The following PDE1C variants were observed in gnomAD, a reference collection of about 807,000 sequenced individuals.
PDE1C encodes the protein dual specificity calcium/calmodulin-dependent 3',5'-cyclic nucleotide phosphodiesterase 1C.
A neutral mutation model predicts 93.1 loss-of-function variants in PDE1C; 62 were observed. The observed-to-expected ratio is 0.67, with a 90% CI of 0.54 to 0.82. The LOEUF (loss-of-function observed/expected upper bound fraction) is 0.82. Among genes scored for constraint, PDE1C ranks in the 40% least tolerant of loss-of-function variants. The probability of loss-of-function intolerance (pLI) is 0.00; values close to 1 mark genes in which losing one functional copy is unlikely to be tolerated. For synonymous variants in PDE1C, 325 were observed against 310.1 expected, an observed-to-expected ratio of 1.05 and a Z score of -0.50; for missense variants, 742 against 884.6, an observed-to-expected ratio of 0.84 and a Z score of 2.04.
chr7:32,417,525 C>T (rs760444404), intron 1 of PDE1C, among the ~76,000 whole-genome samples: 5 of 152,062 alleles, frequency 3.3e-5, no homozygotes, highest in Admixed American at 1.3e-4. Context: ...TCACAGGGTT[C>T]GAGTAACTTG....
intron 2 of PDE1C, among the ~76,000 whole-genome samples, chr7:32,030,960 C>G (rs576258477): frequency 2.0e-5 from 3 of 151,990 alleles, no homozygotes; most frequent in African/African-American, 4.8e-5. Flanking sequence ...TCCCATAGAG[C>G]CTTTGATCTA....
chr7:31,643,975 G>C, the PDE1C span: 1 of 1,577,632 alleles, frequency 6.3e-7, no homozygotes, highest in Admixed American at 1.8e-5. Flanking sequence ...CCCTGGCAAA[G>C]ATGGAAAGGC....
At chr7:31,967,680 C>T (rs1441316683) in intron 2 of PDE1C, among the ~76,000 whole-genome samples, 2 of 152,196 alleles carry the variant, frequency 1.3e-5, no homozygotes, top group African/African-American at 4.8e-5. Context: ...AGACCAATAT[C>T]CTTGATGAAC....
At chr7:32,397,089 C>T (rs1316501657) in intron 1 of PDE1C, among the ~76,000 whole-genome samples, 1 of 152,028 alleles carries the variant, frequency 6.6e-6, no homozygotes, top group African/African-American at 2.4e-5. Flanking sequence ...CTAACTATGA[C>T]TCAAAATCCA....
At chr7:32,155,660 T>C (rs1801523456) in intron 3 of PDE1C, among the ~76,000 whole-genome samples, 1 of 152,232 alleles carries the variant, frequency 6.6e-6, no homozygotes, top group African/African-American at 2.4e-5. Flanking sequence ...TTGCAAATTA[T>C]AAAGCATCAG....
the PDE1C span, among the ~76,000 whole-genome samples, chr7:31,646,434 T>C: frequency 6.6e-6 from 1 of 151,952 alleles, no homozygotes; most frequent in South Asian, 2.1e-4. Flanking sequence ...CCGAGGAAGG[T>C]AGGCTGGAAA....
chr7:32,416,375 C>T (rs1364239190), intron 1 of PDE1C, among the ~76,000 whole-genome samples: 1 of 152,132 alleles, frequency 6.6e-6, no homozygotes, highest in African/African-American at 2.4e-5. Flanking sequence ...GGAGCCATCC[C>T]CCCTCCCTGT....
At chr7:32,048,700 A>G (rs895401655) in intron 2 of PDE1C, among the ~76,000 whole-genome samples, 1 of 152,194 alleles carries the variant, frequency 6.6e-6, no homozygotes, top group Admixed American at 6.6e-5. Context: ...GAGCAGAATA[A>G]AAGTTATTTT....
At chr7:32,066,237 T>C (rs1387351782) in intron 1 of PDE1C, among the ~76,000 whole-genome samples, 1 of 152,176 alleles carries the variant, frequency 6.6e-6, no homozygotes, top group Non-Finnish European at 1.5e-5. Context: ...AGTCCTGTAG[T>C]ATGCTGGGGT....
intron 3 of PDE1C, among the ~76,000 whole-genome samples, chr7:32,168,664 C>T (rs558917149): frequency 2.6e-5 from 4 of 152,232 alleles, no homozygotes; most frequent in Non-Finnish European, 5.9e-5. Context: ...GATGCAATAA[C>T]CAAGCCCTTA....
chr7:32,144,523 G>A (rs1428035979), intron 3 of PDE1C, among the ~76,000 whole-genome samples: 1 of 152,182 alleles, frequency 6.6e-6, no homozygotes, highest in Non-Finnish European at 1.5e-5. Context: ...CCATCCTGAG[G>A]GGCTAAGAGG....
intron 1 of PDE1C, among the ~76,000 whole-genome samples, chr7:32,423,280 G>C (rs1357581599): frequency 6.6e-6 from 1 of 152,212 alleles, no homozygotes; most frequent in Non-Finnish European, 1.5e-5. Context: ...AGGAGGCTGA[G>C]GTAGGAGGAT....
chr7:31,792,588 T>A (rs1268839219), intron 16 of PDE1C, among the ~76,000 whole-genome samples: 1 of 152,152 alleles, frequency 6.6e-6, no homozygotes, highest in African/African-American at 2.4e-5. Flanking sequence ...TGGCTTTCTA[T>A]GGAGCTAATC....
intron 1 of PDE1C, among the ~76,000 whole-genome samples, chr7:32,063,488 G>T (rs2128714223): frequency 6.6e-6 from 1 of 152,296 alleles, no homozygotes; most frequent in Admixed American, 6.5e-5. Context: ...ACAGAGGAAT[G>T]CTGTAAAGCT....
the PDE1C span, among the ~76,000 whole-genome samples, chr7:31,627,657 CT>C: frequency 1.0e-4 from 1 of 9,700 alleles, no homozygotes; most frequent in Non-Finnish European, 2.0e-4. Flanking sequence ...AAGACACTGT[CT>C]CAAAAAAAAA....
At chr7:32,178,772 C>T (rs1296094099) in intron 2 of PDE1C, among the ~76,000 whole-genome samples, 7 of 152,248 alleles carry the variant, frequency 4.6e-5, no homozygotes, top group African/African-American at 1.7e-4. Flanking sequence ...GCCATAAATC[C>T]TCTCCGTTCT....
chr7:32,355,495 A>T (rs974147100), intron 1 of PDE1C, among the ~76,000 whole-genome samples: 4 of 150,894 alleles, frequency 2.7e-5, no homozygotes, highest in African/African-American at 9.7e-5. Flanking sequence ...CTTTTCTGCA[A>T]TGTGTCCCCC....
At chr7:32,370,840 T>A (rs1361522041) in intron 1 of PDE1C, among the ~76,000 whole-genome samples, 1 of 151,942 alleles carries the variant, frequency 6.6e-6, no homozygotes, top group Non-Finnish European at 1.5e-5. Context: ...TGACAACAGA[T>A]GAATGGATAA....
At chr7:31,742,012 G>T in the PDE1C span, among the ~76,000 whole-genome samples, 1 of 152,230 alleles carries the variant, frequency 6.6e-6, no homozygotes, top group Non-Finnish European at 1.5e-5. Flanking sequence ...CTAAGACTGT[G>T]TTTTAGTCAC....
Sources: gnomAD v4.1 joint callset for allele counts (sites outside exome capture counted in the v4.1 genomes callset) on GRCh38, gnomAD v4.1.1 for gene constraint, MANE v1.5 for transcripts, NCBI Gene and HGNC (gene_info 2026-07-23, HGNC 2026-07-21) for gene names.